SCN10A: variants seen among roughly 807,000 people sequenced by gnomAD.
The protein encoded by SCN10A is sodium voltage-gated channel alpha subunit 10, also known as sodium channel protein type 10 subunit alpha.
Under a neutral mutation model 170.7 loss-of-function variants are expected in SCN10A, and 162 were observed. The observed-to-expected ratio is 0.95, with a 90% CI of 0.84 to 1.08. The LOEUF is 1.08. Ranked by LOEUF, SCN10A falls within the 50% of genes least tolerant of loss-of-function variation. The pLI, the probability that SCN10A is intolerant of heterozygous loss-of-function variation, is 0.00. For missense variants in SCN10A, 2,527 were observed against 2,436.9 expected (o/e 1.04, Z -0.78); for synonymous variants, 985 against 904.6 (o/e 1.09, Z -1.59).
intron 4 of SCN10A, among the ~76,000 whole-genome samples, chr3:38,780,678 C>T (rs1253562767): frequency 1.3e-5 from 2 of 151,420 alleles, no homozygotes; most frequent in African/African-American, 2.4e-5. Context: ...TTATTACTTG[C>T]TGTTTATTTT....
chr3:38,746,288 A>T (rs1293368759), intron 13 of SCN10A, among the ~76,000 whole-genome samples: 1 of 151,504 alleles, frequency 6.6e-6, no homozygotes. Context: ...GAGTTATTGT[A>T]TCAGCATATC....
intron 4 of SCN10A, among the ~76,000 whole-genome samples, chr3:38,785,485 G>A (rs2064188344): frequency 6.6e-6 from 1 of 152,096 alleles, no homozygotes. Context: ...ATTAACTCAA[G>A]ATAGATTAAA....
At chr3:38,721,832 C>A (rs2063392888) in intron 20 of SCN10A, among the ~76,000 whole-genome samples, 2 of 152,152 alleles carry the variant, frequency 1.3e-5, no homozygotes, top group African/African-American at 4.8e-5. Flanking sequence ...AAAGATAGTC[C>A]TTTTTGTATT....
intron 12 of SCN10A, 105 bp downstream of exon 12, chr3:38,752,114 G>T: frequency 2.9e-6 from 3 of 1,049,252 alleles, no homozygotes; most frequent in Non-Finnish European, 4.0e-6. Context: ...GCATTGGACA[G>T]GATGATGGCT....
At chr3:38,703,378 G>C (rs2063177139) in intron 26 of SCN10A, among the ~76,000 whole-genome samples, 3 of 152,122 alleles carry the variant, frequency 2.0e-5, no homozygotes, top group Non-Finnish European at 4.4e-5. Context: ...GAATATTTCA[G>C]AAACTTACAT....
intron 13 of SCN10A, among the ~76,000 whole-genome samples, chr3:38,748,913 C>T (rs1034331445): frequency 6.6e-6 from 1 of 152,204 alleles, no homozygotes; most frequent in African/African-American, 2.4e-5. Context: ...TTATTTTCTT[C>T]CTTTTTATCA....
rs766367727 is a variant in SCN10A, at chr3:38,756,679, G to A, written c.1285C>T (p.Gln429Ter). 1 of 1,613,012 alleles carries A rather than the reference G, an allele frequency of 6.2e-7. No individual in the cohort carries two copies. The highest frequency in any genetic ancestry group is 8.5e-7 in the Non-Finnish European group (1 of 1,179,572). ...AGCTTCCACTCCTCACAAACCTCCT[G>A]CTCCTTCCGGAGCATCTCGAGGGCC... ...QEALEMLRKE[Q>*]EVLAALGIDT... The change falls in exon 10 of 28, where the codon CAG (glutamine) becomes TAG (stop). Residue 429 changes from glutamine to a stop codon, truncating the protein, a stop_gained. Transcript: ENST00000449082. LOFTEE classifies it high-confidence loss of function.
At chr3:38,736,966 T>TTTTTG (rs2063569193) in intron 15 of SCN10A, among the ~76,000 whole-genome samples, 2 of 68,460 alleles carry the variant, frequency 2.9e-5, no homozygotes, top group East Asian at 4.5e-4. Flanking sequence ...AATGTTCGTT[T>TTTTTG]TTTTTTTTTT....
Position 38,707,356 on chromosome 3 carries a change from C to T in SCN10A, c.4309G>A (p.Glu1437Lys). ...KLGGQDIFMT[E>K]EQKKYYNAMK... ...GCATTGTAGTATTTCTTCTGCTCCT[C>T]TGTCATGAAGATGTCCTGGCCCCCT... The change falls in exon 26 of 28, where the codon GAG (glutamate) becomes AAG (lysine). Residue 1437 changes from glutamate to lysine, a missense_variant. Coordinates refer to ENST00000449082, the MANE Select transcript of SCN10A (RefSeq NM_006514.4). 1 of 1,614,166 alleles carries T rather than the reference C, an allele frequency of 6.2e-7. No individual in the cohort carries two copies. Among genetic ancestry groups the T allele is most frequent in the Non-Finnish European group, 8.5e-7 (1 of 1,180,000 alleles).
intron 12 of SCN10A, 53 bp from the exon 13 acceptor site, chr3:38,750,237 G>T: frequency 9.6e-7 from 1 of 1,036,430 alleles, no homozygotes; most frequent in Non-Finnish European, 1.5e-6. Context: ...CATCTTCATG[G>T]CAAAGTTGGA....
chr3:38,811,777 A>G (rs2064442939), intron 1 of SCN10A, among the ~76,000 whole-genome samples: 1 of 152,170 alleles, frequency 6.6e-6, no homozygotes. Flanking sequence ...AGGACTTTCT[A>G]CTGTCCAGGG....
rs571903551 is a variant in SCN10A, at chr3:38,756,610, C to T, written c.1290+64G>A. 7 of 1,387,904 alleles carry T rather than the reference C, an allele frequency of 5.0e-6. No homozygotes were observed. The East Asian group carries it at 1.6e-4, about 32-fold the overall frequency. 86.0% of individuals were successfully genotyped at this position (1,387,904 alleles called of 1,614,324 possible). ...GGTGCCCTAATTGAAGTGGCTAGTC[C>T]AGAACAGTATCCAAGAATGGACAGT... On this transcript the variant is annotated intron_variant, in intron 10 of 27. Coordinates refer to ENST00000449082, the MANE Select transcript of SCN10A (RefSeq NM_006514.4).
chr3:38,730,253 G>A (rs956904102), intron 15 of SCN10A, among the ~76,000 whole-genome samples: 6 of 152,204 alleles, frequency 3.9e-5, no homozygotes, highest in Non-Finnish European at 8.8e-5. Flanking sequence ...CCAGCTACAG[G>A]AGGAAAATTG....
At chr3:38,741,100 C>A (rs2063626734) in intron 14 of SCN10A, among the ~76,000 whole-genome samples, 1 of 152,096 alleles carries the variant, frequency 6.6e-6, no homozygotes, top group Non-Finnish European at 1.5e-5. Context: ...TTTCTAGGGA[C>A]AAGTAGTCAC....
intron 20 of SCN10A, 86 bp from the exon 21 acceptor site, chr3:38,718,912 C>T (rs534870324): frequency 8.3e-5 from 107 of 1,291,080 alleles, no homozygotes; most frequent in Non-Finnish European, 9.0e-5. Context: ...CCCAGCCAGC[C>T]CTGACCACAG....
intron 4 of SCN10A, among the ~76,000 whole-genome samples, chr3:38,786,703 G>A (rs2064208608): frequency 6.6e-6 from 1 of 152,126 alleles, no homozygotes; most frequent in African/African-American, 2.4e-5. Flanking sequence ...ATTCTTGTGT[G>A]TGGTGCAAAG....
At position 38,752,506 on chromosome 3, in the gene SCN10A, G is replaced by T. The variant is rs1333189383; in HGVS notation, c.1468C>A (p.Leu490Ile). ...DPYNQRRMSF[L>I]GLASGKRRAS... ...CGGCGTTTTCCAGAGGCGAGGCCTA[G>T]AAAAGACTGGGCATTGCCCCAAAGG... is the stretch of plus-strand genomic sequence containing the variant. Residue 490 changes from leucine (L) to isoleucine (I), a missense_variant, in exon 12 of 28, where the codon CTA becomes ATA. Transcript: ENST00000449082. 1 of 1,576,036 alleles carries T rather than the reference G, an allele frequency of 6.3e-7. No homozygotes were observed. The highest frequency in any genetic ancestry group is 2.3e-5 in the East Asian group (1 of 43,710).
chr3:38,758,358 T>C (rs1347800333), intron 8 of SCN10A, among the ~76,000 whole-genome samples: 1 of 152,240 alleles, frequency 6.6e-6, no homozygotes, highest in Non-Finnish European at 1.5e-5. Flanking sequence ...CTATGTCTTC[T>C]GTAGAAATCC....
intron 15 of SCN10A, among the ~76,000 whole-genome samples, chr3:38,737,034 A>G (rs1263677602): frequency 2.5e-5 from 3 of 119,350 alleles, no homozygotes; most frequent in African/African-American, 9.9e-5. Context: ...GCAGTGGCGC[A>G]ATCTCGGCTC....
Sources: gnomAD v4.1 joint callset for allele counts (sites outside exome capture counted in the v4.1 genomes callset) on GRCh38, gnomAD v4.1.1 for gene constraint, MANE v1.5 for transcripts, NCBI Gene and HGNC (gene_info 2026-07-23, HGNC 2026-07-21) for gene names.